Variants in DLL1 observed in about 807,000 individuals in gnomAD.
The protein encoded by DLL1 is delta like canonical Notch ligand 1.
A neutral mutation model predicts 75.1 loss-of-function variants in DLL1; 9 were observed. The ratio of observed to expected loss-of-function variants is 0.12; its 90% CI spans 0.07 to 0.21. DLL1 has a LOEUF of 0.21. Ranked by LOEUF, DLL1 falls within the 10% of genes least tolerant of loss-of-function variation. The probability of loss-of-function intolerance (pLI) is 1.00; values close to 1 mark genes in which losing one functional copy is unlikely to be tolerated. For missense variants in DLL1, 837 were observed against 1,007.6 expected, an observed-to-expected ratio of 0.83 and a Z score of 2.29; for synonymous variants, 477 against 418.3, an observed-to-expected ratio of 1.14 and a Z score of -1.71.
Position 170,290,219 on chromosome 6 carries a change from G to A in DLL1, c.-80C>T. On this transcript the variant is annotated 5_prime_UTR_variant, in exon 1 of 11. Transcript: ENST00000366756. The surrounding 1 kb of genome is among the most constrained non-coding windows in gnomAD (Gnocchi z 4.7). The stretch of plus-strand genomic sequence containing the variant: ...GCGGCGGACGCGCGGGGGATCGATG[G>A]GCCACGGGGAGCGTGGGCAGAAAAG... The A allele has an allele frequency of 6.5e-7, 1 of 1,536,636 alleles. No homozygotes were observed. Among genetic ancestry groups the A allele is most frequent in the Non-Finnish European group, 8.8e-7 (1 of 1,138,290 alleles).
chr6:170,286,046 G>A (rs963682033), intron 5 of DLL1, among the ~76,000 whole-genome samples, 192 bp downstream of exon 5: 2 of 152,186 alleles, frequency 1.3e-5, no homozygotes, highest in Admixed American at 6.5e-5. Flanking sequence ...GGGCTTAGAC[G>A]AATGACAACT....
In DLL1 at chr6:170,283,794, G is replaced by C; in HGVS notation, c.1485C>G (p.Thr495=). ...CATAGCGGTGGCCCCTCTCGTGGCA[G>C]GTGGCCCCATTGTGGCAGGGTGCGT... is the stretch of plus-strand genomic sequence containing the variant. ...CEHAPCHNGA[T]CHERGHRYVC... is the part of the protein sequence containing the mutation. The change falls in exon 9 of 11, where the codon ACC becomes ACG. Residue 495 remains threonine, a synonymous_variant. Coordinates refer to ENST00000366756, the MANE Select transcript of DLL1 (RefSeq NM_005618.4). 1.3e-6 allele frequency: 2 copies of C among 1,597,026 alleles called. No individual in the cohort carries two copies. The highest frequency in any genetic ancestry group is 1.7e-6 in the Non-Finnish European group (2 of 1,174,228).
rs1004198354 is a variant in DLL1 at position 170,283,586 on chromosome 6, C to T, written c.1693G>A (p.Val565Met). The T allele has an allele frequency of 1.2e-6, 2 of 1,612,906 alleles. No homozygotes were observed. Among genetic ancestry groups the T allele is most frequent in the African/African-American group, 1.3e-5 (1 of 75,070 alleles). Residue 565 changes from valine (V) to methionine (M), a missense_variant, in exon 9 of 11, where the codon GTG becomes ATG. Val to Met is a conservative substitution (Grantham distance 21, BLOSUM62 1). Around this residue, in one of 2 missense-constraint regions of DLL1, gnomAD observed 533 missense variants for 545.7 expected, o/e 0.98. Coordinates refer to ENST00000366756, the MANE Select transcript of DLL1 (RefSeq NM_005618.4). ...VLMLLLGCAA[V>M]VVCVRLRLQK... Reference sequence around the variant, plus strand: ...AGCCTCAGCCGGACGCAGACCACCACAGCGGCACAGCCCAGCAGCAGCATG... The same window carrying T: ...AGCCTCAGCCGGACGCAGACCACCATAGCGGCACAGCCCAGCAGCAGCATG...
rs759515097 is a variant in DLL1 at position 170,290,189 on chromosome 6, G to A, written c.-50C>T. 10 of 1,573,948 alleles carry A rather than the reference G, an allele frequency of 6.4e-6. No individual in the cohort carries two copies. The South Asian group carries it at 1.1e-4, about 18-fold the overall frequency. Reference sequence around the variant, plus strand: ...TGGGGGGCCCCCACTTCTCTCCTTAGAACAGCGGCGGACGCGCGGGGGATC... The same window carrying A: ...TGGGGGGCCCCCACTTCTCTCCTTAAAACAGCGGCGGACGCGCGGGGGATC... On this transcript the variant is annotated 5_prime_UTR_variant, in exon 1 of 11. Transcript: ENST00000366756. This position sits in a 1 kb window ranked among gnomAD's most constrained non-coding sequence, Gnocchi z 4.7.
chr6:170,289,372 G>A lies in DLL1; in HGVS notation c.351+140C>T, dbSNP rs1330780552. ...GCTGGGCTGGAGTCCTGGGGCCGCC[G>A]CTAGGCAGATCGCAGCGCCCACCTG... On this transcript the variant is annotated intron_variant, in intron 2 of 10. Coordinates refer to ENST00000366756, the MANE Select transcript of DLL1 (RefSeq NM_005618.4). 3.0e-6 allele frequency: 4 copies of A among 1,349,448 alleles called. No individual in the cohort carries two copies. In the South Asian group the frequency reaches 3.8e-5, roughly 13 times the overall value. 83.6% of individuals were successfully genotyped at this position (1,349,448 alleles called of 1,614,324 possible).
chr6:170,283,858 G>T lies in DLL1; in HGVS notation c.1421C>A (p.Thr474Lys), dbSNP rs201909286. Residue 474 changes from threonine (T) to lysine (K), a missense_variant, in exon 9 of 11, where the codon ACG becomes AAG. Around this residue, in one of 2 missense-constraint regions of DLL1, gnomAD observed 533 missense variants for 545.7 expected, o/e 0.98. Coordinates refer to ENST00000366756, the MANE Select transcript of DLL1 (RefSeq NM_005618.4). ...GACGGGGGCACTGCAGTTCCTGCCC[G>T]TGTAGCCAGGCGGGCAGGTGCAGGA... ...DFSCTCPPGY[T>K]GRNCSAPVSR... 6.2e-7 allele frequency: 1 copy of T among 1,605,528 alleles called. No homozygotes were observed.
Position 170,291,000 on chromosome 6 carries a change from GC to G in DLL1, c.-862del. ...ATGGCTAATGAGATGCAAATCAGCAGCCCCCCAATCTGGCGAGAGCTGTCAC... is the reference window on the plus strand; with the variant it reads ...ATGGCTAATGAGATGCAAATCAGCAGCCCCCAATCTGGCGAGAGCTGTCAC... On this transcript the variant is annotated 5_prime_UTR_variant, in exon 1 of 11. Transcript: ENST00000366756. The surrounding 1 kb of genome is among the most constrained non-coding windows in gnomAD (Gnocchi z 4.7). 1.4e-6 allele frequency: 1 copy of G among 701,870 alleles called. No homozygotes were observed. The highest frequency in any genetic ancestry group is 2.6e-6 in the Non-Finnish European group (1 of 384,562). The allele number at this position is 701,870 out of a possible 1,614,324, so 43.5% of individuals were successfully genotyped here.
In DLL1 at chr6:170,283,102, T is replaced by C. The variant is rs1783598638; in HGVS notation, c.2052A>G (p.Gly684=). 2 of 1,613,948 alleles carry C rather than the reference T, an allele frequency of 1.2e-6. No homozygotes were observed. Among genetic ancestry groups the C allele is most frequent in the Non-Finnish European group, 1.7e-6 (2 of 1,179,996 alleles). ...EKGTPTTLRG[G]EASERKRPDS... ...CCGGCCTTTTTCTTTCAGATGCTTC[T>C]CCACTAAAAGGAAAATAGAGAAAAT... Residue 684 remains glycine, a synonymous_variant, in exon 10 of 11, where the codon GGA becomes GGG. Transcript: ENST00000366756.
intron 5 of DLL1, 69 bp downstream of exon 5, chr6:170,286,169 A>G: frequency 6.2e-7 from 1 of 1,603,046 alleles, no homozygotes; most frequent in African/African-American, 1.3e-5. Flanking sequence ...CTGTTTTTAC[A>G]AATACACCAG....
Position 170,290,986 on chromosome 6 carries a change from G to A in DLL1, c.-847C>T. The A allele has an allele frequency of 2.8e-6, 2 of 701,770 alleles. No homozygotes were observed. The highest frequency in any genetic ancestry group is 2.7e-5 in the East Asian group (1 of 37,228). The allele number at this position is 701,770 out of a possible 1,614,324, so 43.5% of individuals were successfully genotyped here. A position where few individuals can be genotyped will look rare whatever the true frequency, so the allele number is the denominator to read the frequency against. On this transcript the variant is annotated 5_prime_UTR_variant, in exon 1 of 11. Transcript: ENST00000366756. The surrounding 1 kb of genome is among the most constrained non-coding windows in gnomAD (Gnocchi z 4.7). ...AGCCGGCCGCCCGCATGGCTAATGA[G>A]ATGCAAATCAGCAGCCCCCCAATCT...
chr6:170,287,436 G>C (rs371875896), intron 4 of DLL1, among the ~76,000 whole-genome samples: 15 of 152,202 alleles, frequency 9.9e-5, no homozygotes. Context: ...ACGGCCAGGC[G>C]TGCAGGCGAG....
In DLL1 at chr6:170,283,755, G is replaced by A. The variant is rs761586140; in HGVS notation, c.1524C>T (p.Ala508=). The A allele has an allele frequency of 6.3e-7, 1 of 1,574,882 alleles. No homozygotes were observed. The highest frequency in any genetic ancestry group is 8.6e-7 in the Non-Finnish European group (1 of 1,161,188). The change falls in exon 9 of 11, where the codon GCC becomes GCT. Residue 508 remains alanine (A), a synonymous_variant. Transcript: ENST00000366756. ...ERGHRYVCEC[A]RGYGGPNCQF... ...GGCAGTTGGGACCCCCGTAGCCTCG[G>A]GCACACTCGCACACATAGCGGTGGC... is the stretch of plus-strand genomic sequence containing the variant.
rs1409288112 is a variant in DLL1 at position 170,282,783 on chromosome 6, C to G, written c.*91G>C. The G allele has an allele frequency of 7.5e-6, 12 of 1,604,108 alleles. No homozygotes were observed. Among genetic ancestry groups the G allele is most frequent in the African/African-American group, 1.3e-5 (1 of 74,710 alleles). ...TTCTCAGCAGCAGTCCACGAGGCCT[C>G]CCTCCTCTTCAGCAGCATTCGTTGG... On this transcript the variant is annotated 3_prime_UTR_variant, in exon 11 of 11. Coordinates refer to ENST00000366756, the MANE Select transcript of DLL1 (RefSeq NM_005618.4).
At chr6:170,284,823 A>C in intron 8 of DLL1, 96 bp downstream of exon 8, 1 of 1,267,382 alleles carries the variant, frequency 7.9e-7, no homozygotes. Context: ...AAAGTGATTC[A>C]TAAACTCGAG....
rs968559769 is a variant in DLL1, at chr6:170,290,275, C to G, written c.-136G>C. The G allele has an allele frequency of 2.1e-6, 2 of 940,552 alleles. No individual in the cohort carries two copies. The highest frequency in any genetic ancestry group is 3.0e-6 in the Non-Finnish European group (2 of 669,456). The allele number at this position is 940,552 out of a possible 1,614,324, so 58.3% of individuals were successfully genotyped here. On this transcript the variant is annotated 5_prime_UTR_variant, in exon 1 of 11. Transcript: ENST00000366756. The surrounding 1 kb of genome is among the most constrained non-coding windows in gnomAD (Gnocchi z 4.7). ...TTGCCTCGCCCCAGACCGCAGGACC[C>G]AGGACTTCTTTCTTTAAAAGCCGGT... is the stretch of plus-strand genomic sequence containing the variant.
intron 4 of DLL1, among the ~76,000 whole-genome samples, 161 bp from the exon 5 acceptor site, chr6:170,286,459 TG>T (rs1343953448): frequency 9.2e-5 from 14 of 152,168 alleles, no homozygotes; most frequent in Admixed American, 9.2e-4. Context: ...CCTAGTAGCC[TG>T]GGACTTGACT....
In DLL1 at chr6:170,285,017, C is replaced by G; in HGVS notation, c.1151G>C (p.Ser384Thr). Reference protein sequence around the residue: ...PCFNGGRCSDSPDGGYSCRCP... With the variant: ...PCFNGGRCSDTPDGGYSCRCP... ...GCGGCAGCTGTACCCTCCATCGGGG[C>G]TGTCTGAGCACCGACCCCCGTTAAA... Residue 384 changes from serine to threonine, a missense_variant, in exon 8 of 11, where the codon AGC (serine) becomes ACC (threonine). Physicochemically the swap from Ser to Thr is moderately conservative, Grantham distance 58 (BLOSUM62 1). Transcript: ENST00000366756. 6.2e-7 allele frequency: 1 copy of G among 1,614,104 alleles called. No homozygotes were observed. Among genetic ancestry groups the G allele is most frequent in the East Asian group, 2.2e-5 (1 of 44,852 alleles).
chr6:170,288,468 C>A lies in DLL1; in HGVS notation c.441G>T (p.Leu147=). 1 of 1,614,102 alleles carries A rather than the reference C, an allele frequency of 6.2e-7. No homozygotes were observed. Among genetic ancestry groups the A allele is most frequent in the South Asian group, 1.1e-5 (1 of 91,090 alleles). ...TENPERLISR[L]ATQRHLTVGE... ...CCACCGTCAGGTGCCTCTGGGTGGC[C>A]AGGCGGCTGATGAGTCTTTCTGGGT... is the stretch of plus-strand genomic sequence containing the variant. Residue 147 remains leucine, a synonymous_variant, in exon 4 of 11, where the codon CTG becomes CTT. Coordinates refer to ENST00000366756, the MANE Select transcript of DLL1 (RefSeq NM_005618.4).
Position 170,283,234 on chromosome 6 carries a change from C to T in DLL1, c.2045G>A (p.Arg682Lys). The T allele has an allele frequency of 6.2e-7, 1 of 1,612,780 alleles. No homozygotes were observed. The highest frequency in any genetic ancestry group is 8.5e-7 in the Non-Finnish European group (1 of 1,179,850). ...GEEKGTPTTL[R>K]GGEASERKRP... ...ATGCCCGGCCCGCAGCACGCACCCC[C>T]TGAGTGTGGTCGGGGTCCCCTTCTC... Residue 682 changes from arginine (R) to lysine (K), a missense_variant, in exon 9 of 11, where the codon AGG (arginine) becomes AAG (lysine). Transcript: ENST00000366756.
Sources: gnomAD v4.1 joint callset for allele counts (sites outside exome capture counted in the v4.1 genomes callset) on GRCh38, gnomAD v4.1.1 for gene constraint, gnomAD v4.1.1 regional missense constraint, Gnocchi (gnomAD v3.1) non-coding constraint, MANE v1.5 for transcripts, NCBI Gene and HGNC (gene_info 2026-07-23, HGNC 2026-07-21) for gene names.